PIEZO2: variants seen among roughly 807,000 people sequenced by gnomAD.
PIEZO2 encodes piezo-type mechanosensitive ion channel component 2.
PIEZO2 carries 172 observed loss-of-function variants against 337.3 expected under a neutral mutation model. The ratio of observed to expected loss-of-function variants is 0.51; its 90% CI spans 0.45 to 0.58. The LOEUF (loss-of-function observed/expected upper bound fraction) is 0.58. Among genes scored for constraint, PIEZO2 ranks in the 20% least tolerant of loss-of-function variants. PIEZO2 has a pLI of 0.00. For missense variants in PIEZO2, 3,028 were observed against 3,391.3 expected, an observed-to-expected ratio of 0.89 and a Z score of 2.66; for synonymous variants, 1,251 against 1,228.5, an observed-to-expected ratio of 1.02 and a Z score of -0.38.
chr18:10,964,051 G>A (rs1422394171), intron 3 of PIEZO2, among the ~76,000 whole-genome samples: 1 of 152,112 alleles, frequency 6.6e-6, no homozygotes, highest in Non-Finnish European at 1.5e-5. Context: ...AATGAGTGAA[G>A]CTCATCTATG....
chr18:11,114,703 C>A (rs952843677), intron 1 of PIEZO2, among the ~76,000 whole-genome samples: 1 of 151,730 alleles, frequency 6.6e-6, no homozygotes, highest in Non-Finnish European at 1.5e-5. Flanking sequence ...CTTTTCCCCC[C>A]ACATATTTGA....
In PIEZO2 at chr18:10,846,686, A is replaced by T. The variant is rs567419936; in HGVS notation, c.917+8667T>A. 7.7e-4 allele frequency among the ~76,000 whole-genome samples: 118 copies of T among 152,264 alleles called. No individual in the cohort carries two copies. The highest frequency in any genetic ancestry group is 1.3e-3 in the Non-Finnish European group (91 of 68,028). On this transcript the variant is annotated intron_variant, in intron 7 of 55. Transcript: ENST00000674853. This position sits in a 1 kb window ranked among gnomAD's most constrained non-coding sequence, Gnocchi z 4.1. The stretch of plus-strand genomic sequence containing the variant: ...GTGTTATAAAGCAAGTTTGCACAGA[A>T]TAATTGCCTACAAGATAATTTTCCT...
At chr18:11,090,780 C>A (rs1389980022) in intron 1 of PIEZO2, among the ~76,000 whole-genome samples, 1 of 151,790 alleles carries the variant, frequency 6.6e-6, no homozygotes, top group Non-Finnish European at 1.5e-5. Flanking sequence ...GGCGTGGTGG[C>A]GGGCGCCTGT....
chr18:10,708,482 A>G (rs1325924974), intron 39 of PIEZO2, 43 bp from the exon 40 acceptor site: 4 of 152,678 alleles, frequency 2.6e-5, no homozygotes, highest in Admixed American at 6.5e-5. Flanking sequence ...TTAAAACACC[A>G]AGTTGTACAC....
intron 7 of PIEZO2, among the ~76,000 whole-genome samples, chr18:10,822,472 C>T (rs756220197): frequency 4.6e-5 from 7 of 152,246 alleles, no homozygotes; most frequent in Non-Finnish European, 1.0e-4. Context: ...AACAAACTTC[C>T]TATTATGTCT....
At position 10,973,968 on chromosome 18, in the gene PIEZO2, A is replaced by G. The variant is rs1301046887; in HGVS notation, c.286+5567T>C. Among the ~76,000 whole-genome samples, 1 of 152,174 alleles carries G rather than the reference A, an allele frequency of 6.6e-6. No individual in the cohort carries two copies. Among genetic ancestry groups the G allele is most frequent in the African/African-American group, 2.4e-5 (1 of 41,436 alleles). On this transcript the variant is annotated intron_variant, in intron 3 of 55. Coordinates refer to ENST00000674853, the MANE Select transcript of PIEZO2 (RefSeq NM_001378183.1). The surrounding 1 kb of genome is among the most constrained non-coding windows in gnomAD (Gnocchi z 4.9). ...TGTATGAGGATGGATCCACCAGGTG[A>G]TTCTGCAGATCTAGGGTCCATCTCC... is the stretch of plus-strand genomic sequence containing the variant.
At chr18:11,072,890 C>G (rs1433953725) in intron 1 of PIEZO2, among the ~76,000 whole-genome samples, 1 of 152,342 alleles carries the variant, frequency 6.6e-6, no homozygotes, top group South Asian at 2.1e-4. Flanking sequence ...CAGGCAACAA[C>G]TGCTTCTTTA....
chr18:11,075,853 A>G (rs2038522595), intron 1 of PIEZO2, among the ~76,000 whole-genome samples: 1 of 143,570 alleles, frequency 7.0e-6, no homozygotes, highest in African/African-American at 2.6e-5. Context: ...CAGTGGCGCG[A>G]TCTCCGCTCA....
chr18:10,742,448 T>A, intron 32 of PIEZO2, 46 bp downstream of exon 32: 4 of 1,529,972 alleles, frequency 2.6e-6, no homozygotes, highest in Non-Finnish European at 1.8e-6. Context: ...TATCATGCTA[T>A]TATTCAATGT....
intron 44 of PIEZO2, 132 bp from the exon 45 acceptor site, chr18:10,698,012 C>CGGATGCATTTGTGAACAATTACTGA (rs6146217): frequency 0.76 from 801,990 of 1,060,320 alleles, 308,907 homozygotes; most frequent in East Asian, 0.98. Context: ...TGAGTATGCA[C>CGGATGCATTTGTGAACAATTACTGA]GGCCTTGGGA....
chr18:11,014,179 G>A (rs1416198095), intron 2 of PIEZO2, among the ~76,000 whole-genome samples: 2 of 151,786 alleles, frequency 1.3e-5, no homozygotes, highest in African/African-American at 4.8e-5. Flanking sequence ...TTCCTTAGTG[G>A]CGGGCACGTC....
intron 49 of PIEZO2, among the ~76,000 whole-genome samples, chr18:10,689,451 A>G (rs894949353): frequency 6.7e-6 from 1 of 149,874 alleles, no homozygotes; most frequent in Non-Finnish European, 1.5e-5. Context: ...CCGAAAGAAG[A>G]AAACATCTGG....
At chr18:10,948,063 C>T (rs182696779) in intron 3 of PIEZO2, among the ~76,000 whole-genome samples, 1 of 151,756 alleles carries the variant, frequency 6.6e-6, no homozygotes, top group Admixed American at 6.6e-5. Flanking sequence ...GATGACAGAC[C>T]AGTTTAAACA....
In PIEZO2 at chr18:11,048,387, A is replaced by C. The variant is rs543674039; in HGVS notation, c.160+17740T>G. ...CCATTTCAGACACTCAGTAATGCTT[A>C]TTCTGTGACCAAAGGAAATGAATGC... is the stretch of plus-strand genomic sequence containing the variant. On this transcript the variant is annotated intron_variant, in intron 2 of 55. Transcript: ENST00000674853. This position sits in a 1 kb window ranked among gnomAD's most constrained non-coding sequence, Gnocchi z 4.5. Among the ~76,000 whole-genome samples the C allele has an allele frequency of 2.6e-4, 40 of 152,336 alleles. No individual in the cohort carries two copies. In the South Asian group the frequency reaches 8.3e-3, roughly 32 times the overall value.
chr18:11,048,608 TTA>T lies in PIEZO2; in HGVS notation c.160+17517_160+17518del, dbSNP rs1429442965. Among the ~76,000 whole-genome samples the T allele has an allele frequency of 3.3e-5, 5 of 152,256 alleles. No individual in the cohort carries two copies. The highest frequency in any genetic ancestry group is 3.2e-3 in the Middle Eastern group (1 of 316). On this transcript the variant is annotated intron_variant, in intron 2 of 55. Transcript: ENST00000674853. This position sits in a 1 kb window ranked among gnomAD's most constrained non-coding sequence, Gnocchi z 4.5. ...AGATACAGCAGAATGAGGGAAATGCTTATATAGATAACTGAATTATTTATATT... is the reference window on the plus strand; with the variant it reads ...AGATACAGCAGAATGAGGGAAATGCTTATAGATAACTGAATTATTTATATT...
intron 36 of PIEZO2, among the ~76,000 whole-genome samples, chr18:10,729,101 C>A (rs1398378752): frequency 6.6e-6 from 1 of 151,916 alleles, no homozygotes; most frequent in Non-Finnish European, 1.5e-5. Context: ...TGGGTTGGGG[C>A]AGATTATACG....
chr18:11,042,048 T>A (rs930361260), intron 2 of PIEZO2, among the ~76,000 whole-genome samples: 12 of 152,196 alleles, frequency 7.9e-5, no homozygotes, highest in African/African-American at 2.9e-4. Context: ...CCAAATCATC[T>A]CTCTGGTAAA....
chr18:10,889,162 C>T (rs186167559), intron 4 of PIEZO2, among the ~76,000 whole-genome samples: 93 of 152,316 alleles, frequency 6.1e-4, no homozygotes, highest in Admixed American at 1.2e-3. Flanking sequence ...CAGGTACTTC[C>T]GTCACCTGCC....
At chr18:11,040,277 C>G (rs1290849340) in intron 2 of PIEZO2, among the ~76,000 whole-genome samples, 1 of 152,120 alleles carries the variant, frequency 6.6e-6, no homozygotes, top group Admixed American at 6.5e-5. Context: ...TCCTTTAGCA[C>G]TGTTTCTAAA....
Sources: allele counts gnomAD v4.1 joint callset (sites outside exome capture counted in the v4.1 genomes callset), GRCh38; gene constraint gnomAD v4.1.1; non-coding constraint Gnocchi (gnomAD v3.1); transcripts MANE v1.5; gene names NCBI Gene and HGNC (gene_info 2026-07-23, HGNC 2026-07-21).